The following FUS variants were observed in gnomAD, a reference collection of about 807,000 sequenced individuals.
The protein encoded by FUS is RNA-binding protein FUS.
In FUS, 5 loss-of-function variants were observed where a neutral mutation model predicts 82.7. The ratio of observed to expected loss-of-function variants is 0.06; its 90% CI spans 0.03 to 0.13. The LOEUF is 0.13. FUS is among the 10% of genes least tolerant of loss of function. The pLI is 1.00. For synonymous variants in FUS, 281 were observed against 247.4 expected (o/e 1.14, Z -1.27); for missense variants, 512 against 707.8 (o/e 0.72, Z 3.14).
chr16:31,192,874 CCT>C (rs1015961675), downstream of FUS: 4 of 485,482 alleles, frequency 8.2e-6, no homozygotes, highest in African/African-American at 2.0e-5. Context: ...ATCTGGCCAT[CCT>C]CTCAAATTTT....
chr16:31,186,484 C>G (rs576178927), intron 6 of FUS: 15 of 466,072 alleles, frequency 3.2e-5, no homozygotes, highest in Middle Eastern at 6.1e-4. Context: ...CAACCACTTG[C>G]GACAAGAGGA....
At chr16:31,186,773 T>C (rs772650624) in intron 6 of FUS, 29 bp from the exon 7 acceptor site, 2 of 1,612,230 alleles carry the variant, frequency 1.2e-6, no homozygotes, top group East Asian at 2.2e-5. Context: ...GGAAGCTTCA[T>C]GTCCTTTCTT....
chr16:31,192,002 T>C (rs184121285), downstream of FUS: 291 of 532,966 alleles, frequency 5.5e-4, 4 homozygotes, highest in African/African-American at 4.7e-3. Context: ...GATTTGACCA[T>C]GGTGGAGAGC....
intron 1 of FUS, among the ~76,000 whole-genome samples, chr16:31,181,538 T>G (rs1168157931): frequency 6.6e-6 from 1 of 152,174 alleles, no homozygotes; most frequent in Non-Finnish European, 1.5e-5. Context: ...GCTCTTTTGA[T>G]TCTCTGGCTT....
At chr16:31,181,269 A>T (rs973964885) in intron 1 of FUS, among the ~76,000 whole-genome samples, 6 of 152,156 alleles carry the variant, frequency 3.9e-5, no homozygotes, top group African/African-American at 1.2e-4. Flanking sequence ...CCGAGGCCAC[A>T]CCCTCTCCTG....
chr16:31,191,712 CA>C (rs1199564432), downstream of FUS: 2 of 670,428 alleles, frequency 3.0e-6, no homozygotes, highest in East Asian at 5.7e-5. Context: ...AACTGGAATA[CA>C]GTGTTCGGGG....
At chr16:31,194,678 T>C (rs1329960604), downstream of FUS, 2 of 487,538 alleles carry the variant, frequency 4.1e-6, no homozygotes, top group African/African-American at 2.0e-5. Context: ...ATGTACACAT[T>C]GTGGAATCAA....
chr16:31,190,475 GT>G, intron 12 of FUS, 77 bp downstream of exon 12: 1 of 1,600,604 alleles, frequency 6.2e-7, no homozygotes, highest in Non-Finnish European at 8.6e-7. Context: ...GTATGTGCGT[GT>G]TTTCCAAAGA....
At chr16:31,180,123 C>T, upstream of FUS, 1 of 1,547,502 alleles carries the variant, frequency 6.5e-7, no homozygotes, top group Non-Finnish European at 8.8e-7. Context: ...TAAGCTTCGA[C>T]GCAGGAGGCG....
chr16:31,192,559 A>T (rs577919844), downstream of FUS: 72 of 495,706 alleles, frequency 1.5e-4, no homozygotes, highest in African/African-American at 1.4e-3. Context: ...TTCCTCTCAA[A>T]TTTTTATTTT....
chr16:31,182,696 A>C (rs545780413), intron 3 of FUS, 32 bp downstream of exon 3: 3 of 1,613,200 alleles, frequency 1.9e-6, no homozygotes, highest in Non-Finnish European at 2.5e-6. Flanking sequence ...ACCTCTTCCT[A>C]CTCTTTCTGA....
At position 31,186,855 on chromosome 16, in the gene FUS, CA is replaced by C; in HGVS notation, c.799+23del. 1 of 1,608,268 alleles carries C rather than the reference CA, an allele frequency of 6.2e-7. No homozygotes were observed. The highest frequency in any genetic ancestry group is 8.5e-7 in the Non-Finnish European group (1 of 1,174,668). On this transcript the variant is annotated intron_variant, in intron 7 of 14. Coordinates refer to ENST00000254108, the MANE Select transcript of FUS (RefSeq NM_004960.4). ...TTTGGTGGTAAGTGAACAGAGTTTCCAAAATTCCCAACTCCCAGCAATGCTT... is the reference window on the plus strand; with the variant it reads ...TTTGGTGGTAAGTGAACAGAGTTTCCAAATTCCCAACTCCCAGCAATGCTT...
downstream of FUS, chr16:31,194,706 A>C (rs1297711464): frequency 2.1e-6 from 1 of 486,334 alleles, no homozygotes; most frequent in Admixed American, 2.3e-5. Flanking sequence ...TAATATATCC[A>C]TCACTTCATA....
At chr16:31,184,144 A>G (rs1008504763) in intron 4 of FUS, 65 bp from the exon 5 acceptor site, 2 of 1,613,976 alleles carry the variant, frequency 1.2e-6, no homozygotes, top group Non-Finnish European at 1.7e-6. Context: ...GGACTCCACT[A>G]AAAGTGAAAG....
intron 7 of FUS, chr16:31,187,720 T>A (rs2079291089): frequency 4.3e-6 from 1 of 234,386 alleles, no homozygotes; most frequent in South Asian, 1.7e-4. Flanking sequence ...AAAAACAAAA[T>A]AGAGGCTGCA....
rs771420721 is a variant in FUS, at chr16:31,182,546, C to A, written c.72C>A (p.Gly24=). The A allele has an allele frequency of 1.6e-5, 26 of 1,614,052 alleles. No homozygotes were observed. Among genetic ancestry groups the A allele is most frequent in the Non-Finnish European group, 2.2e-5 (26 of 1,180,024 alleles). Residue 24 remains glycine, a synonymous_variant, in exon 3 of 15, where the codon GGC becomes GGA. Transcript: ENST00000254108. ...YGAYPTQPGQ[G]YSQQSSQPYG... Reference sequence around the variant, plus strand: ...CCTACCCCACCCAGCCCGGGCAGGGCTATTCCCAGCAGAGCAGTCAGCCCT... The same window carrying A: ...CCTACCCCACCCAGCCCGGGCAGGGATATTCCCAGCAGAGCAGTCAGCCCT...
At chr16:31,187,407 T>C in intron 7 of FUS, 1 of 236,074 alleles carries the variant, frequency 4.2e-6, no homozygotes, top group Admixed American at 5.1e-5. Flanking sequence ...ACATGTGCAC[T>C]ACTTCAAGAA....
chr16:31,184,013 G>A lies in FUS; in HGVS notation c.335+11G>A. 5 of 1,614,104 alleles carry A rather than the reference G, an allele frequency of 3.1e-6. No individual in the cohort carries two copies. The highest frequency in any genetic ancestry group is 4.2e-6 in the Non-Finnish European group (5 of 1,180,018). ...CAGCACCTCGGGAAGGTACGGTGGT[G>A]TTGATGTCGGGGAAGGCTTGAAAAG... On this transcript the variant is annotated intron_variant, in intron 4 of 14. Transcript: ENST00000254108.
chr16:31,189,457 A>G (rs1435291514), intron 9 of FUS, among the ~76,000 whole-genome samples: 1 of 152,202 alleles, frequency 6.6e-6, no homozygotes, highest in East Asian at 1.9e-4. Flanking sequence ...TGAGATTTGT[A>G]CTCTATAGTA....
Sources: allele counts gnomAD v4.1 joint callset (sites outside exome capture counted in the v4.1 genomes callset), GRCh38; gene constraint gnomAD v4.1.1; transcripts MANE v1.5; gene names NCBI Gene and HGNC (gene_info 2026-07-23, HGNC 2026-07-21).